Variants in SNAP91 observed in about 807,000 individuals in gnomAD.
SNAP91 encodes synaptosome associated protein 91.
In SNAP91, 27 loss-of-function variants were observed where a neutral mutation model predicts 100.3. The observed-to-expected ratio is 0.27, with a 90% CI of 0.20 to 0.37. The LOEUF (loss-of-function observed/expected upper bound fraction) is 0.37. Ranked by LOEUF, SNAP91 falls within the 10% of genes least tolerant of loss-of-function variation. The pLI is 1.00. For synonymous variants in SNAP91, 404 were observed against 398.6 expected (o/e 1.01, Z -0.16); for missense variants, 986 against 1,123.7 (o/e 0.88, Z 1.75).
chr6:83,674,884 C>T (rs1260913640), intron 2 of SNAP91, among the ~76,000 whole-genome samples: 1 of 152,102 alleles, frequency 6.6e-6, no homozygotes, highest in Non-Finnish European at 1.5e-5. Context: ...GAACAGGAAT[C>T]TAAAGAGGAT....
At chr6:83,632,142 T>G (rs1584810182) in intron 8 of SNAP91, among the ~76,000 whole-genome samples, 1 of 152,148 alleles carries the variant, frequency 6.6e-6, no homozygotes, top group South Asian at 2.1e-4. Flanking sequence ...TCTTGGCTGA[T>G]AATTGTTTTA....
chr6:83,688,007 G>A (rs868354880), intron 2 of SNAP91, among the ~76,000 whole-genome samples: 3 of 152,080 alleles, frequency 2.0e-5, no homozygotes, highest in Admixed American at 1.3e-4. Flanking sequence ...TGTGTTGAGC[G>A]TGAGATATCT....
At chr6:83,570,083 G>A (rs1263806806) in intron 26 of SNAP91, among the ~76,000 whole-genome samples, 2 of 152,090 alleles carry the variant, frequency 1.3e-5, no homozygotes, top group South Asian at 4.2e-4. Flanking sequence ...AGTTTGGAGG[G>A]CTCAGAAGAA....
At chr6:83,579,610 G>A (rs868708858) in intron 24 of SNAP91, among the ~76,000 whole-genome samples, 4 of 152,072 alleles carry the variant, frequency 2.6e-5, no homozygotes, top group Non-Finnish European at 2.9e-5. Context: ...AAGAGCAAAG[G>A]TCGATCTTTG....
chr6:83,606,971 A>T (rs1183969583), intron 13 of SNAP91, among the ~76,000 whole-genome samples: 3 of 152,240 alleles, frequency 2.0e-5, no homozygotes. Flanking sequence ...TAAAGCACAC[A>T]GTTAACATGG....
chr6:83,691,053 G>A (rs1649306828), intron 2 of SNAP91, among the ~76,000 whole-genome samples: 2 of 151,932 alleles, frequency 1.3e-5, no homozygotes, highest in South Asian at 4.1e-4. Flanking sequence ...AATAGAGCCT[G>A]GCTAATTGTA....
intron 9 of SNAP91, among the ~76,000 whole-genome samples, chr6:83,620,504 G>A (rs1421599679): frequency 2.6e-5 from 4 of 152,160 alleles, no homozygotes. Flanking sequence ...TGCTAGCCCA[G>A]ACCTGATCAT....
At chr6:83,669,790 T>C (rs892520866) in intron 2 of SNAP91, among the ~76,000 whole-genome samples, 1 of 152,038 alleles carries the variant, frequency 6.6e-6, no homozygotes, top group African/African-American at 2.4e-5. Flanking sequence ...GCTAATTACT[T>C]TGAGATTTAT....
Position 83,592,458 on chromosome 6 carries a change from C to T in SNAP91, c.1927G>A (p.Gly643Arg), listed in dbSNP as rs1331199605. The T allele has an allele frequency of 6.2e-7, 1 of 1,608,128 alleles. No individual in the cohort carries two copies. The highest frequency in any genetic ancestry group is 8.5e-7 in the Non-Finnish European group (1 of 1,176,664). ...TTGATGGAGGAGAAATACGCACCCC[C>T]AAAAAGGTCTATGACACCTGAAGAA... is the stretch of plus-strand genomic sequence containing the variant. ...VDSSGVIDLF[G>R]DAFGSSASEP... The change falls in exon 21 of 30, where the codon GGG becomes AGG. Residue 643 changes from glycine (G) to arginine (R), a missense_variant. This residue lies in a region of SNAP91 where 575 missense variants were observed against 579.9 expected (regional missense o/e 0.99). Transcript: ENST00000369694.
At chr6:83,685,229 TCCCTCTGTG>T (rs1293588830) in intron 2 of SNAP91, among the ~76,000 whole-genome samples, 1 of 152,086 alleles carries the variant, frequency 6.6e-6, no homozygotes, top group African/African-American at 2.4e-5. Flanking sequence ...TGGGGAAAAC[TCCCTCTGTG>T]CCACCCATAA....
chr6:83,593,033 C>G lies in SNAP91; in HGVS notation c.1775-16G>C, dbSNP rs1283433381. The G allele has an allele frequency of 6.4e-7, 1 of 1,568,360 alleles. No homozygotes were observed. The highest frequency in any genetic ancestry group is 1.9e-5 in the Admixed American group (1 of 53,148). On this transcript the variant is annotated splice_polypyrimidine_tract_variant and intron_variant, in intron 19 of 29. Transcript: ENST00000369694. ...GAGAAAGCATCTTCCAAAAGTGAAA[C>G]AAACCAAAACCAAGCAGAGGTAAGT... is the stretch of plus-strand genomic sequence containing the variant.
rs571901858 is a variant in SNAP91, at chr6:83,704,039, G to C, written c.130+3759C>G. Among the ~76,000 whole-genome samples the C allele has an allele frequency of 7.9e-5, 12 of 152,230 alleles. No homozygotes were observed. The East Asian group carries it at 2.3e-3, about 29-fold the overall frequency. Reference sequence around the variant, plus strand: ...TATTGTTCAAGCTTGACACAATACTGGGTAGGTACTGGGTGCCTATTACTA... The same window carrying C: ...TATTGTTCAAGCTTGACACAATACTCGGTAGGTACTGGGTGCCTATTACTA... On this transcript the variant is annotated intron_variant, in intron 2 of 29. Coordinates refer to ENST00000369694, the MANE Select transcript of SNAP91 (RefSeq NM_001242792.2).
At chr6:83,582,173 T>G in intron 23 of SNAP91, 49 bp downstream of exon 23, 1 of 1,597,110 alleles carries the variant, frequency 6.3e-7, no homozygotes. Context: ...TAGTACTTTT[T>G]TTTATTACCA....
In SNAP91 at chr6:83,553,811, T is replaced by C. The variant is rs2127730207; in HGVS notation, c.*485A>G. Reference sequence around the variant, plus strand: ...AATGTACTCCACACTGAAAAAGTTTTGTATATTTATGAGTGTTTTCCTTAT... The same window carrying C: ...AATGTACTCCACACTGAAAAAGTTTCGTATATTTATGAGTGTTTTCCTTAT... On this transcript the variant is annotated 3_prime_UTR_variant, in exon 30 of 30. Coordinates refer to ENST00000369694, the MANE Select transcript of SNAP91 (RefSeq NM_001242792.2). The C allele has an allele frequency of 6.6e-6, 1 of 152,276 alleles. No homozygotes were observed. The highest frequency in any genetic ancestry group is 1.9e-4 in the East Asian group (1 of 5,184). The allele number at this position is 152,276 out of a possible 1,614,324, so 9.4% of individuals were successfully genotyped here.
chr6:83,664,946 A>G (rs1030964547), intron 3 of SNAP91, among the ~76,000 whole-genome samples: 1 of 152,150 alleles, frequency 6.6e-6, no homozygotes, highest in African/African-American at 2.4e-5. Flanking sequence ...AGCCATCAAT[A>G]TCAGGGCAAG....
At chr6:83,592,131 A>G (rs143237430) in intron 21 of SNAP91, among the ~76,000 whole-genome samples, 7 of 152,226 alleles carry the variant, frequency 4.6e-5, no homozygotes, top group African/African-American at 1.7e-4. Flanking sequence ...GATTTAGCCA[A>G]CAGATCAGGA....
intron 8 of SNAP91, among the ~76,000 whole-genome samples, chr6:83,638,600 A>T (rs887234708): frequency 1.8e-4 from 28 of 152,200 alleles, no homozygotes; most frequent in African/African-American, 6.5e-4. Context: ...CTGTGATAAG[A>T]AGGCACTGAA....
intron 22 of SNAP91, among the ~76,000 whole-genome samples, chr6:83,589,258 G>T (rs1362529121): frequency 6.6e-6 from 1 of 152,112 alleles, no homozygotes; most frequent in African/African-American, 2.4e-5. Flanking sequence ...ATCTAGGCCT[G>T]GATAAAAGCC....
rs530758965 is a variant in SNAP91, at chr6:83,569,310, G to T, written c.2442+5700C>A. Among the ~76,000 whole-genome samples, 6 of 152,112 alleles carry T rather than the reference G, an allele frequency of 3.9e-5. No individual in the cohort carries two copies. In the South Asian group the frequency reaches 1.2e-3, roughly 32 times the overall value. On this transcript the variant is annotated intron_variant, in intron 26 of 29. Transcript: ENST00000369694. ...AACTTTCCATATTTCACTTTCTGGG[G>T]TTTAATTACCAATAATTAAAATTTT...
Sources: allele counts gnomAD v4.1 joint callset (sites outside exome capture counted in the v4.1 genomes callset), GRCh38; gene constraint gnomAD v4.1.1; regional missense constraint gnomAD v4.1.1; transcripts MANE v1.5; gene names NCBI Gene and HGNC (gene_info 2026-07-23, HGNC 2026-07-21).